Variants in NISCH observed in about 807,000 individuals in gnomAD.
NISCH encodes the protein I-1 receptor candidate protein.
NISCH carries 55 observed loss-of-function variants against 138.4 expected under a neutral mutation model. That is an observed-to-expected ratio of 0.40 (90% CI 0.32 to 0.50). NISCH has a LOEUF of 0.50. NISCH is among the 20% of genes least tolerant of loss of function. NISCH has a pLI of 0.71. For missense variants in NISCH, 1,643 were observed against 2,005.5 expected (o/e 0.82, Z 3.45); for synonymous variants, 860 against 861.5 (o/e 1.00, Z 0.03).
Position 52,479,829 on chromosome 3 carries a change from G to A in NISCH, c.1383G>A (p.Glu461=). The A allele has an allele frequency of 6.2e-7, 1 of 1,613,776 alleles. No individual in the cohort carries two copies. Among genetic ancestry groups the A allele is most frequent in the Non-Finnish European group, 8.5e-7 (1 of 1,179,880 alleles). ...EVLKAIQKAK[E]VKSKLSNPEK... ...TGAAAGCAATTCAGAAAGCCAAGGA[G>A]GTCAAGTCCAAACTGAGCAACCCAG... Residue 461 remains glutamate (E), a synonymous_variant, in exon 12 of 21, where the codon GAG becomes GAA. Coordinates refer to ENST00000345716, the MANE Select transcript of NISCH (RefSeq NM_007184.4).
intron 13 of NISCH, among the ~76,000 whole-genome samples, chr3:52,484,038 G>T (rs1321756590): frequency 9.9e-5 from 15 of 152,202 alleles, no homozygotes; most frequent in Non-Finnish European, 2.9e-5. Flanking sequence ...CTATCCGCTG[G>T]CCGTTCTTCT....
chr3:52,485,852 C>A, intron 15 of NISCH, 25 bp downstream of exon 15: 1 of 1,564,660 alleles, frequency 6.4e-7, no homozygotes, highest in Non-Finnish European at 8.7e-7. Flanking sequence ...GGAAAGGGAC[C>A]TGGGCCTGGC....
At chr3:52,465,510 G>A (rs553397164) in intron 3 of NISCH, among the ~76,000 whole-genome samples, 16 of 152,272 alleles carry the variant, frequency 1.1e-4, no homozygotes, top group East Asian at 1.9e-4. Flanking sequence ...AGGGGTTGCC[G>A]CCTGTATGAG....
At chr3:52,461,841 C>T (rs986626783) in intron 3 of NISCH, among the ~76,000 whole-genome samples, 18 of 144,504 alleles carry the variant, frequency 1.2e-4, no homozygotes, top group African/African-American at 3.4e-4. Context: ...CTAGCCTGGG[C>T]GACAGAGCAA....
chr3:52,472,066 G>C, intron 5 of NISCH, 89 bp downstream of exon 5: 1 of 1,366,124 alleles, frequency 7.3e-7, no homozygotes, highest in South Asian at 1.4e-5. Flanking sequence ...GTGTGAAGGA[G>C]ACCATGGGGG....
At chr3:52,462,678 C>G (rs1706668635) in intron 3 of NISCH, among the ~76,000 whole-genome samples, 1 of 152,122 alleles carries the variant, frequency 6.6e-6, no homozygotes, top group African/African-American at 2.4e-5. Flanking sequence ...TCTTACTGGC[C>G]AGGCTGGAGT....
chr3:52,479,431 C>T (rs372370935), intron 11 of NISCH, among the ~76,000 whole-genome samples: 9 of 152,182 alleles, frequency 5.9e-5, no homozygotes, highest in African/African-American at 2.2e-4. Flanking sequence ...CTAGTCCCAG[C>T]TGCCCAAGAG....
intron 13 of NISCH, among the ~76,000 whole-genome samples, chr3:52,483,083 G>T (rs1426213758): frequency 6.6e-6 from 1 of 152,226 alleles, no homozygotes; most frequent in African/African-American, 2.4e-5. Context: ...TGGATTGCAG[G>T]AGAGCAGCGG....
chr3:52,464,896 G>T (rs1415730483), intron 3 of NISCH, among the ~76,000 whole-genome samples: 1 of 152,132 alleles, frequency 6.6e-6, no homozygotes, highest in African/African-American at 2.4e-5. Context: ...TCGAACTCCT[G>T]ACCTTAGGTG....
chr3:52,484,443 A>G, intron 13 of NISCH, 70 bp from the exon 14 acceptor site: 1 of 1,458,002 alleles, frequency 6.9e-7, no homozygotes, highest in Non-Finnish European at 9.3e-7. Context: ...GCCCAGCCCC[A>G]CTTGTTGAAC....
chr3:52,484,462 T>TGGCGCC, intron 13 of NISCH, 51 bp from the exon 14 acceptor site: 2 of 788,668 alleles, frequency 2.5e-6, no homozygotes, highest in Non-Finnish European at 3.7e-6. Flanking sequence ...ACAGCCGCTC[T>TGGCGCC]CCCCGCCCCA....
chr3:52,478,720 C>T, intron 11 of NISCH, 143 bp downstream of exon 11: 1 of 716,654 alleles, frequency 1.4e-6, no homozygotes. Context: ...CTTTTCAGTT[C>T]TGGGAAGTCC....
At position 52,488,507 on chromosome 3, in the gene NISCH, G is replaced by T; in HGVS notation, c.3015G>T (p.Leu1005=). The T allele has an allele frequency of 6.2e-7, 1 of 1,613,306 alleles. No homozygotes were observed. Among genetic ancestry groups the T allele is most frequent in the South Asian group, 1.1e-5 (1 of 91,090 alleles). Residue 1005 remains leucine, a synonymous_variant, in exon 16 of 21, where the codon CTG becomes CTT. Coordinates refer to ENST00000345716, the MANE Select transcript of NISCH (RefSeq NM_007184.4). ...LRVYNQLRAS[L]QDLKTVVIAK... is the part of the protein sequence containing the mutation. ...TCTACAACCAGCTGCGGGCCTCGCT[G>T]CAGGACCTGAAGACTGTGGTCATCG...
Position 52,489,401 on chromosome 3 carries a change from C to T in NISCH, c.3179C>T (p.Ala1060Val), listed in dbSNP as rs756248933. ...GCCCCGGCCCCAGCGGAAGTCCCAGCTCCAGCCCCTGCAGCAGCCTCAGCC... is the reference window on the plus strand; with the variant it reads ...GCCCCGGCCCCAGCGGAAGTCCCAGTTCCAGCCCCTGCAGCAGCCTCAGCC... ...ALAPAPAEVP[A>V]PAPAAASASG... Residue 1060 changes from alanine to valine, a missense_variant, in exon 17 of 21, where the codon GCT becomes GTT. Transcript: ENST00000345716. 6.8e-6 allele frequency: 11 copies of T among 1,608,446 alleles called. No homozygotes were observed. In the South Asian group the frequency reaches 1.1e-4, roughly 16 times the overall value.
chr3:52,478,156 G>A lies in NISCH; in HGVS notation c.1047G>A (p.Gly349=), dbSNP rs937438533. The A allele has an allele frequency of 3.1e-6, 5 of 1,614,008 alleles. No individual in the cohort carries two copies. Among genetic ancestry groups the A allele is most frequent in the Non-Finnish European group, 3.4e-6 (4 of 1,180,048 alleles). ...ACAACAAGCTCTCCTCCTTGGAAGGGCTTCACACCAAGCTGGGGAACATCA... is the reference window on the plus strand; with the variant it reads ...ACAACAAGCTCTCCTCCTTGGAAGGACTTCACACCAAGCTGGGGAACATCA... ...LSYNKLSSLE[G]LHTKLGNIKT... is the part of the protein sequence containing the mutation. The change falls in exon 10 of 21, where the codon GGG becomes GGA. Residue 349 remains glycine (G), a synonymous_variant. Coordinates refer to ENST00000345716, the MANE Select transcript of NISCH (RefSeq NM_007184.4).
At chr3:52,466,917 G>A (rs973481242) in intron 3 of NISCH, among the ~76,000 whole-genome samples, 6 of 152,088 alleles carry the variant, frequency 3.9e-5, no homozygotes, top group Admixed American at 2.0e-4. Context: ...GGCAGGTGGT[G>A]CGGCTGATCT....
Position 52,478,695 on chromosome 3 carries a change from C to T in NISCH, c.1302+118C>T, listed in dbSNP as rs1033568786. 3.1e-6 allele frequency: 3 copies of T among 972,074 alleles called. No homozygotes were observed. The African/African-American group carries it at 4.9e-5, about 16-fold the overall frequency. The allele number at this position is 972,074 out of a possible 1,614,324, so 60.2% of individuals were successfully genotyped here. A position where few individuals can be genotyped will look rare whatever the true frequency, so the allele number is the denominator to read the frequency against. ...ACCCTTGCCTGCTTCAGAAAGAGGT[C>T]CTGTCCCTTAGGGGCTTTTCAGTTC... On this transcript the variant is annotated intron_variant, in intron 11 of 20. Coordinates refer to ENST00000345716, the MANE Select transcript of NISCH (RefSeq NM_007184.4).
chr3:52,490,837 G>T lies in NISCH; in HGVS notation c.3742+4G>T, dbSNP rs1041657341. On this transcript the variant is annotated splice_donor_region_variant and intron_variant, in intron 19 of 20. Coordinates refer to ENST00000345716, the MANE Select transcript of NISCH (RefSeq NM_007184.4). ...GACCAGCATTTCCGGCTGACGGGTG[G>T]GTGACCCTCTGTGCTTTGTCCTATT... 29 of 1,613,948 alleles carry T rather than the reference G, an allele frequency of 1.8e-5. No homozygotes were observed. The highest frequency in any genetic ancestry group is 2.5e-5 in the Non-Finnish European group (29 of 1,179,964).
chr3:52,459,071 C>T (rs1706557778), intron 3 of NISCH, among the ~76,000 whole-genome samples: 1 of 152,202 alleles, frequency 6.6e-6, no homozygotes, highest in Admixed American at 6.5e-5. Flanking sequence ...CTTTCCTCCA[C>T]CACAAGGCAT....
Sources: gnomAD v4.1 joint callset for allele counts (sites outside exome capture counted in the v4.1 genomes callset) on GRCh38, gnomAD v4.1.1 for gene constraint, MANE v1.5 for transcripts, NCBI Gene and HGNC (gene_info 2026-07-23, HGNC 2026-07-21) for gene names.